SNAP91: variants seen among roughly 807,000 people sequenced by gnomAD.
The protein encoded by SNAP91 is synaptosome associated protein 91.
SNAP91 carries 27 observed loss-of-function variants against 100.3 expected under a neutral mutation model. That is an observed-to-expected ratio of 0.27 (90% CI 0.20 to 0.37). SNAP91 has a LOEUF of 0.37. Ranked by LOEUF, SNAP91 falls within the 10% of genes least tolerant of loss-of-function variation. SNAP91 has a pLI of 1.00. For synonymous variants in SNAP91, 404 were observed against 398.6 expected (o/e 1.01, Z -0.16); for missense variants, 986 against 1,123.7 (o/e 0.88, Z 1.75).
At position 83,692,104 on chromosome 6, in the gene SNAP91, A is replaced by G. The variant is rs148175545; in HGVS notation, c.130+15694T>C. 8.3e-3 allele frequency among the ~76,000 whole-genome samples: 1,269 copies of G among 152,316 alleles called. 16 individuals carry two copies. The highest frequency in any genetic ancestry group is 0.028 in the African/African-American group (1,178 of 41,582). ...GCAGCTGAGGGTGAGCTCTTTGTACATATCTATTCTGCTTACAGTATTGAA... is the reference window on the plus strand; with the variant it reads ...GCAGCTGAGGGTGAGCTCTTTGTACGTATCTATTCTGCTTACAGTATTGAA... On this transcript the variant is annotated intron_variant, in intron 2 of 29. Transcript: ENST00000369694.
In SNAP91 at chr6:83,593,008, G is replaced by A; in HGVS notation, c.1784C>T (p.Ser595Phe). The A allele has an allele frequency of 6.3e-7, 1 of 1,580,886 alleles. No individual in the cohort carries two copies. Among genetic ancestry groups the A allele is most frequent in the South Asian group, 1.2e-5 (1 of 85,876 alleles). ...AGGAGAGGCCCCTTGTGGTGGAGAG[G>A]AGAAAGCATCTTCCAAAAGTGAAAC... ...SIDLFSTDAF[S>F]SPPQGASPVP... Residue 595 changes from serine to phenylalanine, a missense_variant, in exon 20 of 30, where the codon TCC becomes TTC. By Grantham distance (155) the Ser-to-Phe change is radical. Around this residue, in one of 4 missense-constraint regions of SNAP91, gnomAD observed 575 missense variants for 579.9 expected, o/e 0.99. Transcript: ENST00000369694.
chr6:83,662,725 C>T (rs72903598), intron 3 of SNAP91, among the ~76,000 whole-genome samples: 10,047 of 152,032 alleles, frequency 0.066, 343 homozygotes, highest in Middle Eastern at 0.085. Flanking sequence ...AAATATCTTA[C>T]GAATGCAATT....
chr6:83,662,384 G>T lies in SNAP91; in HGVS notation c.312C>A (p.Phe104Leu). Residue 104 changes from phenylalanine (F) to leucine (L), a missense_variant, in exon 4 of 30, where the codon TTC (phenylalanine) becomes TTA (leucine). Physicochemically the swap from Phe to Leu is conservative, Grantham distance 22. Transcript: ENST00000369694. ...IQYLASRNTL[F>L]NLSNFLDKSG... ...TTTTGTCCAAAAAATTGCTGAGATT[G>T]AATAGTGTATTTCTAGAAGCCAAAT... is the stretch of plus-strand genomic sequence containing the variant. 1.4e-6 allele frequency: 2 copies of T among 1,425,154 alleles called. No homozygotes were observed. Among genetic ancestry groups the T allele is most frequent in the East Asian group, 2.5e-5 (1 of 39,278 alleles). The allele number at this position is 1,425,154 out of a possible 1,614,324, so 88.3% of individuals were successfully genotyped here. A position where few individuals can be genotyped will look rare whatever the true frequency, so the allele number is the denominator to read the frequency against.
intron 2 of SNAP91, among the ~76,000 whole-genome samples, chr6:83,678,058 C>T (rs1017658425): frequency 1.3e-5 from 2 of 152,200 alleles, no homozygotes; most frequent in Non-Finnish European, 2.9e-5. Flanking sequence ...TTTCCTGCTA[C>T]TGCCACACAA....
intron 7 of SNAP91, among the ~76,000 whole-genome samples, chr6:83,651,226 T>G (rs2098191162): frequency 6.6e-6 from 1 of 152,114 alleles, no homozygotes; most frequent in African/African-American, 2.4e-5. Context: ...TTTTTTCTAT[T>G]GATTTCCTGT....
intron 2 of SNAP91, among the ~76,000 whole-genome samples, chr6:83,694,266 G>T (rs1026349399): frequency 6.6e-6 from 1 of 152,150 alleles, no homozygotes; most frequent in Non-Finnish European, 1.5e-5. Flanking sequence ...AGGTAGAAAT[G>T]ATATTTAGGC....
chr6:83,616,601 G>C (rs1465664244), intron 10 of SNAP91, among the ~76,000 whole-genome samples: 1 of 152,110 alleles, frequency 6.6e-6, no homozygotes, highest in East Asian at 1.9e-4. Context: ...CGATAATAGA[G>C]TGCTCAAGGC....
intron 8 of SNAP91, among the ~76,000 whole-genome samples, chr6:83,624,237 G>A (rs1442659775): frequency 6.6e-6 from 1 of 151,994 alleles, no homozygotes; most frequent in Non-Finnish European, 1.5e-5. Context: ...AATCAATGAA[G>A]AGACCATATT....
chr6:83,575,331 A>G (rs572354092), intron 25 of SNAP91: 63 of 553,296 alleles, frequency 1.1e-4, no homozygotes, highest in Non-Finnish European at 1.8e-4. Flanking sequence ...AAAATCATTT[A>G]GAGTTTGGAC....
chr6:83,624,332 C>T (rs1428855873), intron 8 of SNAP91, among the ~76,000 whole-genome samples: 9 of 151,944 alleles, frequency 5.9e-5, no homozygotes, highest in African/African-American at 1.7e-4. Context: ...CAAGTTCAAT[C>T]GTATCATTTT....
At chr6:83,607,865 G>C in intron 12 of SNAP91, 57 bp from the exon 13 acceptor site, 1 of 1,019,870 alleles carries the variant, frequency 9.8e-7, no homozygotes, top group South Asian at 1.9e-5. Flanking sequence ...AGGACACAGG[G>C]CAGCAGGACT....
At chr6:83,577,814 C>T (rs937021969) in intron 24 of SNAP91, among the ~76,000 whole-genome samples, 1 of 152,142 alleles carries the variant, frequency 6.6e-6, no homozygotes, top group African/African-American at 2.4e-5. Flanking sequence ...ACAGTGCTAA[C>T]ATAGAACTTT....
At chr6:83,608,081 TA>T (rs1172395551) in intron 12 of SNAP91, among the ~76,000 whole-genome samples, 1 of 152,138 alleles carries the variant, frequency 6.6e-6, no homozygotes, top group Non-Finnish European at 1.5e-5. Context: ...TTAATTAAAA[TA>T]AAAGCTAAAT....
chr6:83,705,943 A>G lies in SNAP91; in HGVS notation c.130+1855T>C, dbSNP rs540598967. ...ATGTTCAGCTCTTATGACCATTCAT[A>G]TTAATAATTCAACACCAGTTCCTAT... On this transcript the variant is annotated intron_variant, in intron 2 of 29. Coordinates refer to ENST00000369694, the MANE Select transcript of SNAP91 (RefSeq NM_001242792.2). Among the ~76,000 whole-genome samples, 68 of 152,352 alleles carry G rather than the reference A, an allele frequency of 4.5e-4. No homozygotes were observed. In the South Asian group the frequency reaches 0.013, roughly 29 times the overall value.
chr6:83,698,285 T>G (rs2099247125), intron 2 of SNAP91, among the ~76,000 whole-genome samples: 1 of 150,464 alleles, frequency 6.6e-6, no homozygotes, highest in Admixed American at 6.6e-5. Flanking sequence ...CTTCCACTCA[T>G]TTAGATGAAC....
intron 5 of SNAP91, among the ~76,000 whole-genome samples, chr6:83,661,216 C>T (rs1262411382): frequency 6.6e-6 from 1 of 151,940 alleles, no homozygotes; most frequent in Non-Finnish European, 1.5e-5. Flanking sequence ...GAGTTTTTAA[C>T]AAATAAAATG....
chr6:83,698,344 A>G (rs531365119), intron 2 of SNAP91, among the ~76,000 whole-genome samples: 1 of 148,952 alleles, frequency 6.7e-6, no homozygotes, highest in African/African-American at 2.5e-5. Flanking sequence ...AAAAAAAAAG[A>G]AAGAAATTGC....
At chr6:83,665,323 T>C in intron 3 of SNAP91, 116 bp downstream of exon 3, 1 of 999,662 alleles carries the variant, frequency 1.0e-6, no homozygotes, top group Non-Finnish European at 1.5e-6. Flanking sequence ...CGGAACTGTG[T>C]ATTTCCTTTT....
At chr6:83,627,345 C>A (rs1412981986) in intron 8 of SNAP91, among the ~76,000 whole-genome samples, 4 of 152,112 alleles carry the variant, frequency 2.6e-5, no homozygotes, top group Non-Finnish European at 5.9e-5. Flanking sequence ...ATTTTAGTAT[C>A]AGGATGACAC....
Sources: gnomAD v4.1 joint callset for allele counts (sites outside exome capture counted in the v4.1 genomes callset) on GRCh38, gnomAD v4.1.1 for gene constraint, gnomAD v4.1.1 regional missense constraint, MANE v1.5 for transcripts, NCBI Gene and HGNC (gene_info 2026-07-23, HGNC 2026-07-21) for gene names.